EYS: variants seen among roughly 807,000 people sequenced by gnomAD.
EYS encodes EGF-like photoreceptor maintenance factor.
Under a neutral mutation model 282.1 loss-of-function variants are expected in EYS, and 250 were observed. That is an observed-to-expected ratio of 0.89 (90% CI 0.80 to 0.98). The LOEUF is 0.98. Among genes scored for constraint, EYS ranks in the 50% least tolerant of loss-of-function variants. The pLI is 0.00. For synonymous variants in EYS, 1,355 were observed against 1,282.9 expected (o/e 1.06, Z -1.20); for missense variants, 4,016 against 3,709.0 (o/e 1.08, Z -2.15).
chr6:65,167,358 C>T (rs890016469), intron 12 of EYS, among the ~76,000 whole-genome samples: 7 of 151,178 alleles, frequency 4.6e-5, no homozygotes, highest in Non-Finnish European at 8.9e-5. Flanking sequence ...ATTAATTAAC[C>T]TTGAAAGTAT....
At chr6:65,007,879 G>T (rs1771733492) in intron 13 of EYS, among the ~76,000 whole-genome samples, 1 of 152,294 alleles carries the variant, frequency 6.6e-6, no homozygotes, top group Non-Finnish European at 1.5e-5. Flanking sequence ...ACAAGAGTTA[G>T]GGCAATCCTT....
At chr6:64,946,073 T>A (rs1769281109) in intron 14 of EYS, among the ~76,000 whole-genome samples, 159 bp from the exon 15 acceptor site, 1 of 152,074 alleles carries the variant, frequency 6.6e-6, no homozygotes, top group Admixed American at 6.6e-5. Context: ...ACCACATTTT[T>A]AAAAGCGTGT....
At chr6:63,968,453 C>T (rs9351098) in intron 35 of EYS, among the ~76,000 whole-genome samples, 63,005 of 150,932 alleles carry the variant, frequency 0.42, 14,557 homozygotes, top group African/African-American at 0.64. Flanking sequence ...TGGAAACTTT[C>T]TTTTTTTCTT....
At chr6:64,896,415 T>C (rs1767468048) in intron 18 of EYS, among the ~76,000 whole-genome samples, 1 of 152,120 alleles carries the variant, frequency 6.6e-6, no homozygotes, top group African/African-American at 2.4e-5. Flanking sequence ...GATACTATGC[T>C]TTTCTCATGG....
chr6:64,290,258 T>TC (rs1768654164), intron 30 of EYS, among the ~76,000 whole-genome samples: 2 of 152,036 alleles, frequency 1.3e-5, no homozygotes, highest in African/African-American at 2.4e-5. Flanking sequence ...GTATGTGTTC[T>TC]CCCCCCAATA....
chr6:65,223,872 C>A (rs1766543218), intron 12 of EYS, among the ~76,000 whole-genome samples: 3 of 152,156 alleles, frequency 2.0e-5, no homozygotes, highest in African/African-American at 7.2e-5. Flanking sequence ...TCAACCTGGG[C>A]AGCTTTCCTG....
chr6:63,947,922 GT>G (rs1279466427), intron 35 of EYS, among the ~76,000 whole-genome samples: 2 of 152,144 alleles, frequency 1.3e-5, no homozygotes, highest in African/African-American at 2.4e-5. Context: ...ATATAGCAAG[GT>G]TTTTAGTAAT....
intron 26 of EYS, among the ~76,000 whole-genome samples, chr6:64,546,262 G>C (rs1464002688): frequency 6.6e-6 from 1 of 152,122 alleles, no homozygotes; most frequent in Non-Finnish European, 1.5e-5. Flanking sequence ...ACAAAAACAA[G>C]AAATGGGGAA....
intron 1 of EYS, among the ~76,000 whole-genome samples, chr6:65,675,297 T>C (rs909421961): frequency 3.3e-5 from 5 of 151,394 alleles, no homozygotes; most frequent in African/African-American, 4.8e-5. Context: ...AAATCCCCAA[T>C]AAAAAGATAC....
At chr6:64,925,011 G>T (rs931349908) in intron 15 of EYS, among the ~76,000 whole-genome samples, 1 of 152,108 alleles carries the variant, frequency 6.6e-6, no homozygotes, top group African/African-American at 2.4e-5. Flanking sequence ...CCATTCTACT[G>T]GTACCATTTA....
intron 8 of EYS, among the ~76,000 whole-genome samples, chr6:65,370,711 TCTGA>T (rs1198825082): frequency 1.3e-5 from 2 of 151,898 alleles, no homozygotes; most frequent in African/African-American, 4.8e-5. Flanking sequence ...TCAATTTAGC[TCTGA>T]CTATCTCATT....
chr6:64,900,777 T>G (rs1324525188), intron 18 of EYS, among the ~76,000 whole-genome samples: 1 of 152,140 alleles, frequency 6.6e-6, no homozygotes, highest in African/African-American at 2.4e-5. Context: ...ATAGGAATGC[T>G]TTTACACTGT....
At chr6:64,801,158 A>C (rs1017056683) in intron 22 of EYS, among the ~76,000 whole-genome samples, 1 of 152,098 alleles carries the variant, frequency 6.6e-6, no homozygotes, top group African/African-American at 2.4e-5. Flanking sequence ...AAAAATCATC[A>C]TTTTAGGGCC....
intron 1 of EYS, among the ~76,000 whole-genome samples, chr6:65,692,677 A>C (rs571070569): frequency 4.0e-5 from 6 of 149,978 alleles, no homozygotes; most frequent in African/African-American, 1.5e-4. Context: ...AAAACATATA[A>C]TTTTTTTGGT....
intron 22 of EYS, chr6:64,733,440 C>A (rs952437928): frequency 1.1e-5 from 2 of 186,128 alleles, no homozygotes; most frequent in African/African-American, 4.7e-5. Context: ...GGGGATGATC[C>A]ACTTGGCCAC....
chr6:65,332,662 A>G (rs949938346), intron 11 of EYS, among the ~76,000 whole-genome samples: 1 of 151,282 alleles, frequency 6.6e-6, no homozygotes, highest in Non-Finnish European at 1.5e-5. Flanking sequence ...TGAGTTGGGA[A>G]ATGTTCTCTT....
chr6:64,238,751 T>C (rs968563248), intron 30 of EYS, among the ~76,000 whole-genome samples: 1 of 152,158 alleles, frequency 6.6e-6, no homozygotes, highest in African/African-American at 2.4e-5. Flanking sequence ...CTTGTATTCC[T>C]TTTATGTTTT....
intron 7 of EYS, among the ~76,000 whole-genome samples, chr6:65,388,283 A>G (rs1353024380): frequency 6.6e-6 from 1 of 152,038 alleles, no homozygotes; most frequent in Non-Finnish European, 1.5e-5. Context: ...AAACCTATTA[A>G]AACAGCAACT....
At chr6:64,400,186 G>A (rs1773499112) in intron 28 of EYS, 1 of 151,988 alleles carries the variant, frequency 6.6e-6, no homozygotes, top group African/African-American at 2.4e-5. Context: ...CATTGTCACA[G>A]AAGGTAGTCA....
Sources: allele counts gnomAD v4.1 joint callset (sites outside exome capture counted in the v4.1 genomes callset), GRCh38; gene constraint gnomAD v4.1.1; transcripts MANE v1.5; gene names NCBI Gene and HGNC (gene_info 2026-07-23, HGNC 2026-07-21).